Variants in RBSN observed in about 807,000 individuals in gnomAD.
The protein encoded by RBSN is rabenosyn-5.
RBSN carries 34 observed loss-of-function variants against 60.5 expected under a neutral mutation model. The ratio of observed to expected loss-of-function variants is 0.56; its 90% confidence interval spans 0.43 to 0.75. The LOEUF (loss-of-function observed/expected upper bound fraction) is 0.75. Among genes scored for constraint, RBSN ranks in the 30% least tolerant of loss-of-function variants. The probability of loss-of-function intolerance (pLI) is 0.00; values close to 1 mark genes in which losing one functional copy is unlikely to be tolerated. For missense variants in RBSN, 845 were observed against 986.8 expected (o/e 0.86, Z 1.92); for synonymous variants, 322 against 366.9 (o/e 0.88, Z 1.40).
Position 15,073,659 on chromosome 3 carries a change from C to T in RBSN, c.*123G>A, listed in dbSNP as rs1028374591. The T allele has an allele frequency of 3.9e-6, 4 of 1,032,502 alleles. No individual in the cohort carries two copies. Among genetic ancestry groups the T allele is most frequent in the Non-Finnish European group, 4.2e-6 (3 of 716,266 alleles). The allele number at this position is 1,032,502 out of a possible 1,614,324, so 64.0% of individuals were successfully genotyped here. A position where few individuals can be genotyped will look rare whatever the true frequency, so the allele number is the denominator to read the frequency against. On this transcript the variant is annotated 3_prime_UTR_variant, in exon 14 of 14. Transcript: ENST00000253699. The stretch of plus-strand genomic sequence containing the variant: ...CAACACAAAACAGCAGATTCCTGCC[C>T]CTCACCTGTGTGCATCTGAGTTCTC...
Position 15,084,987 on chromosome 3 carries a change from G to A in RBSN, c.436+13C>T. 1 of 1,614,212 alleles carries A rather than the reference G, an allele frequency of 6.2e-7. No homozygotes were observed. The highest frequency in any genetic ancestry group is 8.5e-7 in the Non-Finnish European group (1 of 1,180,030). On this transcript the variant is annotated intron_variant, in intron 7 of 13. Coordinates refer to ENST00000253699, the MANE Select transcript of RBSN (RefSeq NM_022340.4). This position sits in a 1 kb window ranked among gnomAD's most constrained non-coding sequence, Gnocchi z 4.2. ...AGATAATAAGATGAATGTGAGCAAA[G>A]TTTTAAAGTTACCTCGAATCTTTGC... is the stretch of plus-strand genomic sequence containing the variant.
In RBSN at chr3:15,084,666, T is replaced by C. The variant is rs1204749416; in HGVS notation, c.598+69A>G. The C allele has an allele frequency of 1.3e-6, 2 of 1,498,456 alleles. No individual in the cohort carries two copies. Among genetic ancestry groups the C allele is most frequent in the Non-Finnish European group, 1.8e-6 (2 of 1,118,708 alleles). The allele number at this position is 1,498,456 out of a possible 1,614,324, so 92.8% of individuals were successfully genotyped here. Reference sequence around the variant, plus strand: ...TAACAAAAAGGTTCCACGATCCCAGTGGTAATTAGCAAATAAGCTAGGCCC... The same window carrying C: ...TAACAAAAAGGTTCCACGATCCCAGCGGTAATTAGCAAATAAGCTAGGCCC... On this transcript the variant is annotated intron_variant, in intron 8 of 13. Transcript: ENST00000253699. The surrounding 1 kb of genome is among the most constrained non-coding windows in gnomAD (Gnocchi z 4.2).
Position 15,074,479 on chromosome 3 carries a change from T to G in RBSN, c.1658A>C (p.Glu553Ala). Residue 553 changes from glutamate to alanine, a missense_variant, in exon 14 of 14, where the codon GAA (glutamate) becomes GCA (alanine). Transcript: ENST00000253699. This position sits in a 1 kb window ranked among gnomAD's most constrained non-coding sequence, Gnocchi z 6.4. Reference protein sequence around the residue: ...HTRTRSLDFREIGPFQLEPSR... With the variant: ...HTRTRSLDFRAIGPFQLEPSR... ...GGGCTCCAGCTGAAAAGGGCCGATT[T>G]CTCTGAAGTCCAGGGACCGAGTCCG... 6.2e-7 allele frequency: 1 copy of G among 1,614,196 alleles called. No homozygotes were observed. The highest frequency in any genetic ancestry group is 8.5e-7 in the Non-Finnish European group (1 of 1,180,020).
At chr3:15,078,987 T>C (rs1559343035) in intron 10 of RBSN, among the ~76,000 whole-genome samples, 1 of 151,820 alleles carries the variant, frequency 6.6e-6, no homozygotes, top group East Asian at 1.9e-4. Context: ...AATTAATTCT[T>C]TTCCTACAGG....
Position 15,084,903 on chromosome 3 carries a change from G to C in RBSN, c.437-7C>G, listed in dbSNP as rs1170719755. 6.2e-7 allele frequency: 1 copy of C among 1,613,362 alleles called. No homozygotes were observed. On this transcript the variant is annotated splice_region_variant and splice_polypyrimidine_tract_variant and intron_variant, in intron 7 of 13. Transcript: ENST00000253699. The surrounding 1 kb of genome is among the most constrained non-coding windows in gnomAD (Gnocchi z 4.2). ...ACCACAGACTTTTCTATTGCTTTGGGAAGAGCAAACCAACAAGAAAGCAGG... is the reference window on the plus strand; with the variant it reads ...ACCACAGACTTTTCTATTGCTTTGGCAAGAGCAAACCAACAAGAAAGCAGG...
intron 4 of RBSN, chr3:15,095,659 A>G (rs1398019682): frequency 1.2e-5 from 6 of 490,460 alleles, no homozygotes; most frequent in Non-Finnish European, 1.8e-5. Context: ...GTTAAAGAAC[A>G]GTCAAGCCAG....
At position 15,073,890 on chromosome 3, in the gene RBSN, G is replaced by A; in HGVS notation, c.2247C>T (p.Tyr749=). The A allele has an allele frequency of 6.2e-7, 1 of 1,614,092 alleles. No homozygotes were observed. The highest frequency in any genetic ancestry group is 8.5e-7 in the Non-Finnish European group (1 of 1,180,022). Residue 749 remains tyrosine, a synonymous_variant, in exon 14 of 14, where the codon TAC becomes TAT. Coordinates refer to ENST00000253699, the MANE Select transcript of RBSN (RefSeq NM_022340.4). The stretch of plus-strand genomic sequence containing the variant: ...GGCCGCACTGCTTGGCATCAAAGAT[G>A]TATGCCTTGATGTTATCGATCTGCT... The part of the protein sequence containing the change: ...LLQQIDNIKA[Y]IFDAKQCGRL...
chr3:15,091,911 C>G (rs573930234), intron 4 of RBSN, among the ~76,000 whole-genome samples: 14 of 152,324 alleles, frequency 9.2e-5, no homozygotes, highest in African/African-American at 3.4e-4. Context: ...CTAAGACGCT[C>G]TCTCATGAAT....
intron 1 of RBSN, 81 bp from the exon 2 acceptor site, chr3:15,098,355 G>A (rs1434014917): frequency 8.8e-6 from 1 of 113,004 alleles, no homozygotes; most frequent in African/African-American, 3.6e-5. Flanking sequence ...ATATAACTAA[G>A]CATACACCAT....
chr3:15,088,253 T>G (rs1280432394), intron 5 of RBSN, among the ~76,000 whole-genome samples: 1 of 152,194 alleles, frequency 6.6e-6, no homozygotes, highest in East Asian at 1.9e-4. Flanking sequence ...AATCAGAAAA[T>G]CACCCCAGTA....
In RBSN at chr3:15,077,001, G is replaced by A. The variant is rs1476273417; in HGVS notation, c.1101+61C>T. On this transcript the variant is annotated intron_variant, in intron 12 of 13. Coordinates refer to ENST00000253699, the MANE Select transcript of RBSN (RefSeq NM_022340.4). The surrounding 1 kb of genome is among the most constrained non-coding windows in gnomAD (Gnocchi z 4.4). ...AGTCATTGGCATGGATCTGCCTCCT[G>A]GGAAGCAAAAGAGCAGGACAGGCCA... is the stretch of plus-strand genomic sequence containing the variant. The A allele has an allele frequency of 7.0e-7, 1 of 1,428,878 alleles. No homozygotes were observed. The allele number at this position is 1,428,878 out of a possible 1,614,324, so 88.5% of individuals were successfully genotyped here.
rs753202659 is a variant in RBSN at position 15,082,491 on chromosome 3, G to A, written c.716C>T (p.Ser239Leu). 2.5e-6 allele frequency: 4 copies of A among 1,613,990 alleles called. No individual in the cohort carries two copies. The highest frequency in any genetic ancestry group is 3.3e-5 in the Admixed American group (2 of 59,990). The change falls in exon 9 of 14, where the codon TCG becomes TTG. Residue 239 changes from serine to leucine, a missense_variant. Coordinates refer to ENST00000253699, the MANE Select transcript of RBSN (RefSeq NM_022340.4). The surrounding 1 kb of genome is among the most constrained non-coding windows in gnomAD (Gnocchi z 4.2). ...GSISSMSSVSSVLDEKDDDRI... is the reference protein window; with the variant it reads ...GSISSMSSVSLVLDEKDDDRI... The stretch of plus-strand genomic sequence containing the variant: ...GTCATCGTCCTTCTCATCCAGGACC[G>A]AGCTGACACTGCTCATGCTGCTGAT...
chr3:15,094,337 C>T (rs2043595615), intron 4 of RBSN, among the ~76,000 whole-genome samples: 1 of 152,206 alleles, frequency 6.6e-6, no homozygotes, highest in Non-Finnish European at 1.5e-5. Context: ...AGCTGCAATG[C>T]ATGTTGTGAT....
intron 6 of RBSN, 50 bp from the exon 7 acceptor site, chr3:15,085,095 A>G: frequency 1.3e-6 from 2 of 1,599,866 alleles, no homozygotes; most frequent in Non-Finnish European, 1.7e-6. Flanking sequence ...TGATGTATAC[A>G]TGCTCCACAC....
Position 15,077,745 on chromosome 3 carries a change from C to G in RBSN, c.998+330G>C, listed in dbSNP as rs73141245. On this transcript the variant is annotated intron_variant, in intron 11 of 13. Coordinates refer to ENST00000253699, the MANE Select transcript of RBSN (RefSeq NM_022340.4). The surrounding 1 kb of genome is among the most constrained non-coding windows in gnomAD (Gnocchi z 4.4). ...TTGCTATCTGTGACATGATTCCTCA[C>G]CTTTGACACAGGATGTTAATCCCTA... 0.014 allele frequency among the ~76,000 whole-genome samples: 2,079 copies of G among 152,312 alleles called. 48 individuals are homozygous for G. The highest frequency in any genetic ancestry group is 0.047 in the African/African-American group (1,965 of 41,554).
At position 15,077,557 on chromosome 3, in the gene RBSN, A is replaced by C. The variant is rs943448895; in HGVS notation, c.999-393T>G. 1.1e-4 allele frequency among the ~76,000 whole-genome samples: 16 copies of C among 151,890 alleles called. No homozygotes were observed. Among genetic ancestry groups the C allele is most frequent in the Non-Finnish European group, 2.2e-4 (15 of 67,976 alleles). ...TTTGTACCAGGCCCTGCAACTACGAACTCCTGCTGTATGTCTGGATGGACA... is the reference window on the plus strand; with the variant it reads ...TTTGTACCAGGCCCTGCAACTACGACCTCCTGCTGTATGTCTGGATGGACA... On this transcript the variant is annotated intron_variant, in intron 11 of 13. Coordinates refer to ENST00000253699, the MANE Select transcript of RBSN (RefSeq NM_022340.4). The surrounding 1 kb of genome is among the most constrained non-coding windows in gnomAD (Gnocchi z 4.4).
chr3:15,091,210 CAAAAAAAAAA>C (rs55655564), intron 4 of RBSN: 2,712 of 115,664 alleles, frequency 0.023, 25 homozygotes, highest in Middle Eastern at 0.032. Flanking sequence ...GACCCTGTCT[CAAAAAAAAAA>C]AAAAAAAAAA....
rs1180675765 is a variant in RBSN, at chr3:15,084,239, C to A, written c.598+496G>T. On this transcript the variant is annotated intron_variant, in intron 8 of 13. Coordinates refer to ENST00000253699, the MANE Select transcript of RBSN (RefSeq NM_022340.4). The surrounding 1 kb of genome is among the most constrained non-coding windows in gnomAD (Gnocchi z 4.2). ...GTTCAAGCAATTCTCCTGCCTCAGC[C>A]TCCTGAGTAGCTAGGACTACAGGCA... is the stretch of plus-strand genomic sequence containing the variant. Among the ~76,000 whole-genome samples, 1 of 152,200 alleles carries A rather than the reference C, an allele frequency of 6.6e-6. No individual in the cohort carries two copies. Among genetic ancestry groups the A allele is most frequent in the Non-Finnish European group, 1.5e-5 (1 of 68,034 alleles).
chr3:15,074,270 G>T lies in RBSN; in HGVS notation c.1867C>A (p.Pro623Thr). 3.1e-6 allele frequency: 5 copies of T among 1,613,188 alleles called. No homozygotes were observed. Among genetic ancestry groups the T allele is most frequent in the Non-Finnish European group, 3.4e-6 (4 of 1,179,534 alleles). ...TCCTCATCAAAGGGGTTTAAGGAGGGCCCCTCATGTTGCTGTGGCATGCTG... is the reference window on the plus strand; with the variant it reads ...TCCTCATCAAAGGGGTTTAAGGAGGTCCCCTCATGTTGCTGTGGCATGCTG... ...QSSMPQQHEG[P>T]SLNPFDEEDL... The change falls in exon 14 of 14, where the codon CCC becomes ACC. Residue 623 changes from proline (P) to threonine (T), a missense_variant. By Grantham distance (38) the Pro-to-Thr change is conservative (BLOSUM62 -1). Transcript: ENST00000253699. This position sits in a 1 kb window ranked among gnomAD's most constrained non-coding sequence, Gnocchi z 6.4.
Sources: gnomAD v4.1 joint callset for allele counts (sites outside exome capture counted in the v4.1 genomes callset) on GRCh38, gnomAD v4.1.1 for gene constraint, Gnocchi (gnomAD v3.1) non-coding constraint, MANE v1.5 for transcripts, NCBI Gene and HGNC (gene_info 2026-07-23, HGNC 2026-07-21) for gene names.